PTPRD: variants seen among roughly 807,000 people sequenced by gnomAD.
PTPRD encodes receptor-type tyrosine-protein phosphatase delta.
Under a neutral mutation model 214.5 loss-of-function variants are expected in PTPRD, and 34 were observed. The ratio of observed to expected loss-of-function variants is 0.16; its 90% confidence interval spans 0.12 to 0.21. The LOEUF (loss-of-function observed/expected upper bound fraction) is 0.21. PTPRD is among the 10% of genes least tolerant of loss of function. PTPRD has a pLI of 1.00. For synonymous variants in PTPRD, 1,128 were observed against 845.7 expected, an observed-to-expected ratio of 1.33 and a Z score of -5.79; for missense variants, 2,545 against 2,398.7, an observed-to-expected ratio of 1.06 and a Z score of -1.27.
intron 10 of PTPRD, among the ~76,000 whole-genome samples, chr9:9,064,039 T>G (rs1181239170): frequency 6.6e-6 from 1 of 152,174 alleles, no homozygotes; most frequent in African/African-American, 2.4e-5. Flanking sequence ...TAGCAAAAGA[T>G]ATCAGCTGAG....
At chr9:8,339,301 C>A (rs753674978) in intron 42 of PTPRD, among the ~76,000 whole-genome samples, 2 of 152,084 alleles carry the variant, frequency 1.3e-5, no homozygotes, top group Non-Finnish European at 2.9e-5. Flanking sequence ...TTAATATACA[C>A]GAGTTGAATT....
rs115613805 is a variant in PTPRD, at chr9:9,462,258, G to C, written c.-236-64776C>G. ...GATTTTTGAGAGAAAAGGGAGTTTA[G>C]AACTAGAGGGCTAGAGTTAATAGTA... On this transcript the variant is annotated intron_variant, in intron 8 of 45. Transcript: ENST00000381196. Among the ~76,000 whole-genome samples, 1,270 of 152,168 alleles carry C rather than the reference G, an allele frequency of 8.3e-3. 18 individuals carry two copies. Among genetic ancestry groups the C allele is most frequent in the African/African-American group, 0.029 (1,208 of 41,530 alleles).
chr9:10,274,300 TC>T (rs1485034639), intron 3 of PTPRD, among the ~76,000 whole-genome samples: 1 of 152,160 alleles, frequency 6.6e-6, no homozygotes, highest in Non-Finnish European at 1.5e-5. Context: ...TGCTAGGAAT[TC>T]CTTCTGAGGA....
intron 8 of PTPRD, among the ~76,000 whole-genome samples, chr9:9,507,956 TA>T (rs1239280633): frequency 6.6e-6 from 1 of 151,514 alleles, no homozygotes; most frequent in Non-Finnish European, 1.5e-5. Flanking sequence ...AATGAGCTCT[TA>T]AAAATCTATA....
intron 11 of PTPRD, among the ~76,000 whole-genome samples, chr9:8,950,719 T>C (rs947806746): frequency 1.3e-5 from 2 of 151,370 alleles, no homozygotes; most frequent in Non-Finnish European, 2.9e-5. Flanking sequence ...TTTTTTTTTT[T>C]AAATAGAGCT....
intron 11 of PTPRD, among the ~76,000 whole-genome samples, chr9:8,809,254 A>C (rs2096752181): frequency 6.6e-6 from 1 of 152,156 alleles, no homozygotes; most frequent in African/African-American, 2.4e-5. Flanking sequence ...AAACAATACT[A>C]CCGTTGTATG....
chr9:9,916,765 T>C (rs1241057951), intron 5 of PTPRD, among the ~76,000 whole-genome samples: 4 of 152,018 alleles, frequency 2.6e-5, no homozygotes, highest in Non-Finnish European at 5.9e-5. Context: ...CATTCAACAG[T>C]TGGAGAATAC....
chr9:8,411,876 T>C (rs927572316), intron 35 of PTPRD, among the ~76,000 whole-genome samples: 6 of 152,322 alleles, frequency 3.9e-5, no homozygotes, highest in African/African-American at 1.4e-4. Flanking sequence ...GAATGTGTCA[T>C]TGGAAATCAC....
At chr9:8,760,333 A>C (rs991606440) in intron 11 of PTPRD, among the ~76,000 whole-genome samples, 1 of 152,208 alleles carries the variant, frequency 6.6e-6, no homozygotes, top group Non-Finnish European at 1.5e-5. Context: ...GATAAAAATA[A>C]GTGAGATCAA....
At chr9:9,749,751 C>T (rs912714426) in intron 6 of PTPRD, among the ~76,000 whole-genome samples, 3 of 152,090 alleles carry the variant, frequency 2.0e-5, no homozygotes, top group Non-Finnish European at 4.4e-5. Context: ...ATTTGGAAAC[C>T]TCATAAGGCA....
At chr9:9,228,916 T>C (rs1454308659) in intron 9 of PTPRD, among the ~76,000 whole-genome samples, 1 of 152,138 alleles carries the variant, frequency 6.6e-6, no homozygotes, top group Non-Finnish European at 1.5e-5. Flanking sequence ...GAAGTGTAGA[T>C]AGTTTATGTA....
At chr9:8,750,982 T>A (rs1241569080) in intron 11 of PTPRD, among the ~76,000 whole-genome samples, 2 of 152,162 alleles carry the variant, frequency 1.3e-5, no homozygotes, top group African/African-American at 4.8e-5. Flanking sequence ...AGACTTCCAA[T>A]CCATTTACTT....
chr9:10,411,122 A>T (rs183694861), intron 2 of PTPRD, among the ~76,000 whole-genome samples: 94 of 151,922 alleles, frequency 6.2e-4, no homozygotes, highest in African/African-American at 2.2e-3. Flanking sequence ...TCAGAATGAG[A>T]TTAACAGTAG....
In PTPRD at chr9:9,933,149, C is replaced by A. The variant is rs1003481749; in HGVS notation, c.-368+5358G>T. 2.0e-5 allele frequency among the ~76,000 whole-genome samples: 3 copies of A among 152,344 alleles called. No homozygotes were observed. In the South Asian group the frequency reaches 6.2e-4, roughly 32 times the overall value. The stretch of plus-strand genomic sequence containing the variant: ...TGCCAAAATGTAAAGACCATCGAGA[C>A]TAGGAAGTAACTGCATCAACTAACG... On this transcript the variant is annotated intron_variant, in intron 5 of 45. Coordinates refer to ENST00000381196, the MANE Select transcript of PTPRD (RefSeq NM_002839.4).
chr9:10,062,897 T>C (rs1247605103), intron 3 of PTPRD, among the ~76,000 whole-genome samples: 1 of 152,056 alleles, frequency 6.6e-6, no homozygotes, highest in Middle Eastern at 3.2e-3. Flanking sequence ...CCTCTGTTAA[T>C]GAATTAGTTG....
At chr9:10,518,578 G>A (rs1342035401) in intron 2 of PTPRD, among the ~76,000 whole-genome samples, 2 of 151,686 alleles carry the variant, frequency 1.3e-5, no homozygotes, top group Admixed American at 1.3e-4. Flanking sequence ...TGTCACCCAG[G>A]CTGGAGTGCA....
intron 3 of PTPRD, 104 bp downstream of exon 3, chr9:10,340,859 G>A (rs928394144): frequency 2.0e-5 from 3 of 151,846 alleles, no homozygotes; most frequent in Non-Finnish European, 4.4e-5. Context: ...ATAAGAACAT[G>A]GTTTCATGTT....
At chr9:9,499,215 G>C (rs2096312403) in intron 8 of PTPRD, among the ~76,000 whole-genome samples, 1 of 152,056 alleles carries the variant, frequency 6.6e-6, no homozygotes, top group Non-Finnish European at 1.5e-5. Context: ...TAAAAACATT[G>C]TGATGTTATC....
intron 11 of PTPRD, among the ~76,000 whole-genome samples, chr9:8,877,433 T>G (rs1014575997): frequency 6.6e-6 from 1 of 152,198 alleles, no homozygotes; most frequent in Non-Finnish European, 1.5e-5. Flanking sequence ...TCTAGGGGAC[T>G]TTTATAGTGA....
Sources: gnomAD v4.1 joint callset for allele counts (sites outside exome capture counted in the v4.1 genomes callset) on GRCh38, gnomAD v4.1.1 for gene constraint, MANE v1.5 for transcripts, NCBI Gene and HGNC (gene_info 2026-07-23, HGNC 2026-07-21) for gene names.